Variants in PPP3CA observed in about 807,000 individuals in gnomAD.
PPP3CA encodes protein phosphatase 3 catalytic subunit alpha.
A neutral mutation model predicts 66.5 loss-of-function variants in PPP3CA; 14 were observed. That is an observed-to-expected ratio of 0.21 (90% CI 0.14 to 0.33). The LOEUF is 0.33. Ranked by LOEUF, PPP3CA falls within the 10% of genes least tolerant of loss-of-function variation. The probability of loss-of-function intolerance (pLI) is 1.00; values close to 1 mark genes in which losing one functional copy is unlikely to be tolerated. For synonymous variants in PPP3CA, 232 were observed against 226.2 expected (o/e 1.03, Z -0.23); for missense variants, 317 against 639.5 (o/e 0.50, Z 5.44).
chr4:101,250,338 G>C (rs756805271), intron 1 of PPP3CA: 2 of 456,172 alleles, frequency 4.4e-6, no homozygotes, highest in Admixed American at 2.4e-5. Flanking sequence ...ACCTGTGGCT[G>C]TATCTTTCAT....
At chr4:101,301,738 G>A (rs1447459301) in intron 1 of PPP3CA, among the ~76,000 whole-genome samples, 9 of 148,954 alleles carry the variant, frequency 6.0e-5, no homozygotes, top group Middle Eastern at 3.5e-3. Context: ...TGATCCACCC[G>A]CCTCAGCCTC....
At chr4:101,049,729 T>C (rs1423785245) in intron 10 of PPP3CA, among the ~76,000 whole-genome samples, 1 of 152,104 alleles carries the variant, frequency 6.6e-6, no homozygotes, top group African/African-American at 2.4e-5. Context: ...ATGTTATCTC[T>C]GCATGATAAC....
chr4:101,341,402 TTC>T (rs956320576), intron 1 of PPP3CA, among the ~76,000 whole-genome samples: 1 of 152,120 alleles, frequency 6.6e-6, no homozygotes, highest in African/African-American at 2.4e-5. Flanking sequence ...ATTCTATCTA[TTC>T]TGTCTCCACT....
At chr4:101,118,309 T>C (rs973770424) in intron 2 of PPP3CA, among the ~76,000 whole-genome samples, 15 of 152,030 alleles carry the variant, frequency 9.9e-5, no homozygotes, top group Admixed American at 8.5e-4. Context: ...ATCAGCTGAG[T>C]GACCCTGGAG....
intron 1 of PPP3CA, among the ~76,000 whole-genome samples, chr4:101,316,608 ATT>A (rs752174385): frequency 6.7e-4 from 102 of 152,320 alleles, no homozygotes; most frequent in Non-Finnish European, 1.3e-3. Flanking sequence ...ATCATCTAAA[ATT>A]ATTCTTATAT....
rs146102937 is a variant in PPP3CA at position 101,233,155 on chromosome 4, T to G, written c.59-37039A>C. Among the ~76,000 whole-genome samples the G allele has an allele frequency of 3.2e-3, 493 of 151,912 alleles. 7 individuals are homozygous for G. The highest frequency in any genetic ancestry group is 0.011 in the African/African-American group (462 of 41,512). ...CTGAAAACTTCATATTAGAAAGAAT[T>G]TGAAAATGTACAGATACAAAGAATA... is the stretch of plus-strand genomic sequence containing the variant. On this transcript the variant is annotated intron_variant, in intron 1 of 13. Transcript: ENST00000394854.
chr4:101,195,310 G>A (rs560264932), intron 2 of PPP3CA, among the ~76,000 whole-genome samples: 3 of 151,464 alleles, frequency 2.0e-5, no homozygotes, highest in Admixed American at 6.6e-5. Flanking sequence ...AAAATGCTAC[G>A]GGCAAAAGAG....
chr4:101,242,537 A>T (rs36080308), intron 1 of PPP3CA, among the ~76,000 whole-genome samples: 84,353 of 151,042 alleles, frequency 0.56, 27,325 homozygotes, highest in Non-Finnish European at 0.74. Flanking sequence ...TGGTTTAAAT[A>T]AAAAAAAAGA....
chr4:101,238,848 T>G (rs1186245199), intron 1 of PPP3CA, among the ~76,000 whole-genome samples: 1 of 152,098 alleles, frequency 6.6e-6, no homozygotes, highest in Non-Finnish European at 1.5e-5. Flanking sequence ...TTCTCTGACC[T>G]AAGACGTTTT....
intron 2 of PPP3CA, among the ~76,000 whole-genome samples, chr4:101,129,888 G>A (rs1722372602): frequency 6.6e-6 from 1 of 152,134 alleles, no homozygotes; most frequent in African/African-American, 2.4e-5. Context: ...AAGCTGGATG[G>A]AGAATGAGTT....
At chr4:101,124,564 G>A (rs944692586) in intron 2 of PPP3CA, among the ~76,000 whole-genome samples, 32 of 151,458 alleles carry the variant, frequency 2.1e-4, no homozygotes, top group African/African-American at 7.0e-4. Flanking sequence ...AGCCGGGATC[G>A]TGCCATTGCA....
intron 1 of PPP3CA, among the ~76,000 whole-genome samples, chr4:101,215,876 G>C (rs1385994415): frequency 1.3e-5 from 2 of 152,080 alleles, no homozygotes; most frequent in African/African-American, 4.8e-5. Context: ...ATCTAGCAAA[G>C]ATTTAGAAAC....
In PPP3CA at chr4:101,024,347, T is replaced by C. The variant is rs1560566084; in HGVS notation, c.*1518A>G. 1.3e-5 allele frequency: 2 copies of C among 152,684 alleles called. No individual in the cohort carries two copies. The highest frequency in any genetic ancestry group is 2.9e-5 in the Non-Finnish European group (2 of 68,046). The allele number at this position is 152,684 out of a possible 1,614,324, so 9.5% of individuals were successfully genotyped here. ...ATTCTGTAAGTTCATGCACATTTTA[T>C]TGAGTAGTAATATAAAATGCTTTTT... On this transcript the variant is annotated 3_prime_UTR_variant, in exon 14 of 14. Transcript: ENST00000394854.
At chr4:101,326,276 T>G (rs1399269575) in intron 1 of PPP3CA, among the ~76,000 whole-genome samples, 1 of 152,236 alleles carries the variant, frequency 6.6e-6, no homozygotes, top group Non-Finnish European at 1.5e-5. Context: ...ATGTTCTGTT[T>G]TTCAATTCCA....
intron 13 of PPP3CA, among the ~76,000 whole-genome samples, chr4:101,028,517 G>A (rs900588079): frequency 1.3e-5 from 2 of 151,988 alleles, no homozygotes; most frequent in African/African-American, 2.4e-5. Context: ...CTTGATACTC[G>A]CTATTCTTGT....
At chr4:101,106,137 A>G (rs1010374116) in intron 3 of PPP3CA, among the ~76,000 whole-genome samples, 1 of 151,898 alleles carries the variant, frequency 6.6e-6, no homozygotes, top group Non-Finnish European at 1.5e-5. Flanking sequence ...AGCCTGGGCA[A>G]CTTCGTAAGA....
intron 1 of PPP3CA, among the ~76,000 whole-genome samples, chr4:101,340,731 G>A (rs938297530): frequency 2.6e-5 from 4 of 152,054 alleles, no homozygotes; most frequent in Non-Finnish European, 2.9e-5. Flanking sequence ...CCTACCTAAT[G>A]ACTGCTTTAA....
chr4:101,181,903 A>T (rs926626620), intron 2 of PPP3CA, among the ~76,000 whole-genome samples: 1 of 152,122 alleles, frequency 6.6e-6, no homozygotes, highest in Non-Finnish European at 1.5e-5. Context: ...TCAAAATAAG[A>T]GTTGACAATA....
At chr4:101,110,859 G>A (rs2110265093) in intron 2 of PPP3CA, among the ~76,000 whole-genome samples, 1 of 152,232 alleles carries the variant, frequency 6.6e-6, no homozygotes, top group South Asian at 2.1e-4. Context: ...CTGCTCTGGG[G>A]ACTTCCACAG....
Sources: allele counts gnomAD v4.1 joint callset (sites outside exome capture counted in the v4.1 genomes callset), GRCh38; gene constraint gnomAD v4.1.1; transcripts MANE v1.5; gene names NCBI Gene and HGNC (gene_info 2026-07-23, HGNC 2026-07-21).